CAMTA1: variants seen among roughly 807,000 people sequenced by gnomAD.
The protein encoded by CAMTA1 is calmodulin-binding transcription activator 1.
Under a neutral mutation model 170.9 loss-of-function variants are expected in CAMTA1, and 27 were observed. The ratio of observed to expected loss-of-function variants is 0.16; its 90% CI spans 0.12 to 0.22. The LOEUF is 0.22. Ranked by LOEUF, CAMTA1 falls within the 10% of genes least tolerant of loss-of-function variation. The probability of loss-of-function intolerance (pLI) is 1.00; values close to 1 mark genes in which losing one functional copy is unlikely to be tolerated. For synonymous variants in CAMTA1, 833 were observed against 891.5 expected, an observed-to-expected ratio of 0.93 and a Z score of 1.17; for missense variants, 1,619 against 2,217.2, an observed-to-expected ratio of 0.73 and a Z score of 5.42.
intron 6 of CAMTA1, among the ~76,000 whole-genome samples, chr1:7,499,720 ATG>A (rs1353261223): frequency 1.6e-5 from 2 of 127,184 alleles, no homozygotes; most frequent in African/African-American, 3.1e-5. Flanking sequence ...GTGTGTGTGC[ATG>A]TGTGTCCATG....
chr1:7,084,585 C>T (rs1048510497), intron 3 of CAMTA1, among the ~76,000 whole-genome samples: 1 of 152,220 alleles, frequency 6.6e-6, no homozygotes, highest in Non-Finnish European at 1.5e-5. Context: ...AGAGGTGGAC[C>T]GAGGGGGGCA....
At chr1:6,821,682 T>A (rs1646501345) in intron 2 of CAMTA1, among the ~76,000 whole-genome samples, 1 of 152,170 alleles carries the variant, frequency 6.6e-6, no homozygotes, top group African/African-American at 2.4e-5. Flanking sequence ...GTAAAATGAA[T>A]GTATCATTTC....
At chr1:7,339,803 G>T (rs553235357) in intron 5 of CAMTA1, among the ~76,000 whole-genome samples, 74 of 152,086 alleles carry the variant, frequency 4.9e-4, no homozygotes, top group African/African-American at 1.6e-3. Flanking sequence ...TGTTATGTTG[G>T]CCAGGCTGGT....
chr1:7,246,231 T>G lies in CAMTA1; in HGVS notation c.303-3260T>G, dbSNP rs1227504316. On this transcript the variant is annotated intron_variant, in intron 4 of 22. Transcript: ENST00000303635. The stretch of plus-strand genomic sequence containing the variant: ...TGAACACTTTGTGGCTAGAATGGTT[T>G]GATTATATGCTGGGAATGATAATAA... 1.1e-3 allele frequency among the ~76,000 whole-genome samples: 175 copies of G among 152,208 alleles called. 1 individual carries two copies. The highest frequency in any genetic ancestry group is 1.0e-4 in the Non-Finnish European group (7 of 68,044).
chr1:7,485,530 T>C (rs1263137443), intron 6 of CAMTA1, among the ~76,000 whole-genome samples: 2 of 151,956 alleles, frequency 1.3e-5, no homozygotes, highest in South Asian at 2.1e-4. Context: ...GCAGAGAGAG[T>C]GCAGCATGCT....
intron 5 of CAMTA1, among the ~76,000 whole-genome samples, chr1:7,315,574 A>T (rs1208293034): frequency 1.3e-5 from 2 of 152,166 alleles, no homozygotes; most frequent in Non-Finnish European, 2.9e-5. Context: ...AGATGTGGGG[A>T]TTCTGTTCTG....
At chr1:7,415,228 A>C (rs1341920549) in intron 5 of CAMTA1, among the ~76,000 whole-genome samples, 2 of 151,794 alleles carry the variant, frequency 1.3e-5, no homozygotes, top group African/African-American at 4.8e-5. Context: ...AAAAAAATGT[A>C]TATTCTGTTG....
chr1:6,906,386 TC>T (rs1678486201), intron 3 of CAMTA1, among the ~76,000 whole-genome samples: 1 of 152,172 alleles, frequency 6.6e-6, no homozygotes, highest in Non-Finnish European at 1.5e-5. Flanking sequence ...GCTCTGCTTT[TC>T]CTTCCTCACT....
At chr1:7,084,153 T>C (rs1640405394) in intron 3 of CAMTA1, among the ~76,000 whole-genome samples, 1 of 151,908 alleles carries the variant, frequency 6.6e-6, no homozygotes, top group Admixed American at 6.6e-5. Context: ...CAGGAGATAT[T>C]TGTATAAATA....
At chr1:7,652,949 T>G (rs905750192) in intron 7 of CAMTA1, among the ~76,000 whole-genome samples, 9 of 152,218 alleles carry the variant, frequency 5.9e-5, no homozygotes, top group African/African-American at 2.2e-4. Context: ...GTTTTGGCAT[T>G]AATAAAATGG....
chr1:6,942,814 G>A (rs1227423995), intron 3 of CAMTA1, among the ~76,000 whole-genome samples: 1 of 152,250 alleles, frequency 6.6e-6, no homozygotes, highest in African/African-American at 2.4e-5. Flanking sequence ...TGAGGCCAGT[G>A]TGGCCAGCTG....
chr1:7,354,263 C>T (rs1167276000), intron 5 of CAMTA1, among the ~76,000 whole-genome samples: 8 of 152,080 alleles, frequency 5.3e-5, no homozygotes, highest in Admixed American at 5.2e-4. Context: ...ATTCTCCTGC[C>T]TCAGCCTCCC....
chr1:7,466,246 A>C (rs1315189883), intron 5 of CAMTA1, among the ~76,000 whole-genome samples: 1 of 152,236 alleles, frequency 6.6e-6, no homozygotes, highest in Non-Finnish European at 1.5e-5. Context: ...AAACCAGAAA[A>C]GTCAAGAAAG....
At chr1:7,228,526 C>G (rs755477688) in intron 4 of CAMTA1, among the ~76,000 whole-genome samples, 1 of 152,216 alleles carries the variant, frequency 6.6e-6, no homozygotes, top group Non-Finnish European at 1.5e-5. Context: ...TAGGAACACA[C>G]TGGAGATACT....
chr1:7,545,475 G>A (rs1338536496), intron 6 of CAMTA1, among the ~76,000 whole-genome samples: 1 of 152,170 alleles, frequency 6.6e-6, no homozygotes, highest in Non-Finnish European at 1.5e-5. Flanking sequence ...TCAGTCTCGA[G>A]CAGTTCTTCA....
chr1:6,820,321 A>G, intron 2 of CAMTA1, 71 bp downstream of exon 2: 2 of 1,490,136 alleles, frequency 1.3e-6, no homozygotes, highest in Non-Finnish European at 1.9e-6. Context: ...ATCATCTAGT[A>G]CAGTGGAAAC....
intron 6 of CAMTA1, among the ~76,000 whole-genome samples, chr1:7,632,179 A>G (rs2095674455): frequency 6.6e-6 from 1 of 152,196 alleles, no homozygotes; most frequent in Non-Finnish European, 1.5e-5. Flanking sequence ...GGCTTATGGG[A>G]CATTCGGAAT....
chr1:7,097,545 T>C (rs1429520692), intron 4 of CAMTA1, among the ~76,000 whole-genome samples: 1 of 152,252 alleles, frequency 6.6e-6, no homozygotes, highest in Non-Finnish European at 1.5e-5. Flanking sequence ...CAGTGACCTG[T>C]TGGTCACCTT....
chr1:7,561,827 G>A lies in CAMTA1; in HGVS notation c.511-78573G>A, dbSNP rs752133273. Reference sequence around the variant, plus strand: ...AAGCAGAAATGACTCGGGGATGGATGAGAACGAACCCTCATCCCTGCCTGC... The same window carrying A: ...AAGCAGAAATGACTCGGGGATGGATAAGAACGAACCCTCATCCCTGCCTGC... On this transcript the variant is annotated intron_variant, in intron 6 of 22. Coordinates refer to ENST00000303635, the MANE Select transcript of CAMTA1 (RefSeq NM_015215.4). This position sits in a 1 kb window ranked among gnomAD's most constrained non-coding sequence, Gnocchi z 5.3. Among the ~76,000 whole-genome samples the A allele has an allele frequency of 3.3e-5, 5 of 152,120 alleles. No homozygotes were observed. Among genetic ancestry groups the A allele is most frequent in the Non-Finnish European group, 5.9e-5 (4 of 68,020 alleles).
Sources: allele counts gnomAD v4.1 joint callset (sites outside exome capture counted in the v4.1 genomes callset), GRCh38; gene constraint gnomAD v4.1.1; non-coding constraint Gnocchi (gnomAD v3.1); transcripts MANE v1.5; gene names NCBI Gene and HGNC (gene_info 2026-07-23, HGNC 2026-07-21).